The following RAB31 variants were observed in gnomAD, a reference collection of about 807,000 sequenced individuals.
RAB31 encodes RAB31, member RAS oncogene family, also known as ras-related protein Rab-31.
A neutral mutation model predicts 25.6 loss-of-function variants in RAB31; 21 were observed. The ratio of observed to expected loss-of-function variants is 0.82; its 90% CI spans 0.58 to 1.18. The LOEUF (loss-of-function observed/expected upper bound fraction) is 1.18, where lower values mean the gene tolerates loss of function less well. RAB31 is among the 50% of genes most tolerant of loss of function. The pLI, the probability that RAB31 is intolerant of heterozygous loss-of-function variation, is 0.00. For missense variants in RAB31, 196 were observed against 250.1 expected (o/e 0.78, Z 1.46); for synonymous variants, 87 against 84.0 (o/e 1.04, Z -0.20).
intron 1 of RAB31, among the ~76,000 whole-genome samples, chr18:9,743,419 A>G (rs1370967873): frequency 1.3e-5 from 2 of 152,216 alleles, no homozygotes; most frequent in Admixed American, 6.5e-5. Context: ...ATGTTTATAT[A>G]GTGCCTATCT....
intron 3 of RAB31, among the ~76,000 whole-genome samples, chr18:9,802,917 G>A (rs2068521185): frequency 6.6e-6 from 1 of 152,176 alleles, no homozygotes; most frequent in Non-Finnish European, 1.5e-5. Flanking sequence ...CAAAAAAGTG[G>A]TTCACTATTC....
At position 9,792,314 on chromosome 18, in the gene RAB31, C is replaced by A. The variant is rs938236173; in HGVS notation, c.201+79C>A. On this transcript the variant is annotated intron_variant, in intron 3 of 6. Coordinates refer to ENST00000578921, the MANE Select transcript of RAB31 (RefSeq NM_006868.4). ...TTTCTGAAGGTTTGTTTGCATTAGA[C>A]AAGACTCTTGGTTGCAGGTGACAGA... 30 of 1,516,500 alleles carry A rather than the reference C, an allele frequency of 2.0e-5. No individual in the cohort carries two copies. The South Asian group carries it at 3.3e-4, about 17-fold the overall frequency. 93.9% of individuals were successfully genotyped at this position (1,516,500 alleles called of 1,614,324 possible). A position where few individuals can be genotyped will look rare whatever the true frequency, so the allele number is the denominator to read the frequency against.
At position 9,791,388 on chromosome 18, in the gene RAB31, C is replaced by CTTT. The variant is rs35523044; in HGVS notation, c.120-741_120-739dup. ...AGCTAACTGGTTTTAGAAACACAGT[C>CTTT]TTTTTTTTTTTTTTTTTTTTTTTTT... is the stretch of plus-strand genomic sequence containing the variant. On this transcript the variant is annotated intron_variant, in intron 2 of 6. Coordinates refer to ENST00000578921, the MANE Select transcript of RAB31 (RefSeq NM_006868.4). Among the ~76,000 whole-genome samples the CTTT allele has an allele frequency of 5.7e-3, 338 of 59,644 alleles. 38 individuals are homozygous for CTTT. Among genetic ancestry groups the CTTT allele is most frequent in the African/African-American group, 0.023 (331 of 14,562 alleles). The allele number at this position is 59,644 out of a possible 152,430, so 39.1% of individuals were successfully genotyped here. A position where few individuals can be genotyped will look rare whatever the true frequency, so the allele number is the denominator to read the frequency against.
intron 5 of RAB31, among the ~76,000 whole-genome samples, chr18:9,838,515 T>C (rs1288423954): frequency 1.3e-5 from 2 of 152,212 alleles, no homozygotes; most frequent in East Asian, 3.8e-4. Flanking sequence ...CCTTCTGGTG[T>C]ACCTGTCTTC....
chr18:9,812,696 T>C (rs2068579659), intron 3 of RAB31, among the ~76,000 whole-genome samples: 3 of 34,800 alleles, frequency 8.6e-5, no homozygotes, highest in Admixed American at 2.7e-4. Flanking sequence ...ACTATTTTTT[T>C]TTTTTTTTTT....
In RAB31 at chr18:9,719,752, C is replaced by G. The variant is rs555616420; in HGVS notation, c.39+11308C>G. Among the ~76,000 whole-genome samples, 12 of 152,214 alleles carry G rather than the reference C, an allele frequency of 7.9e-5. No homozygotes were observed. In the South Asian group the frequency reaches 1.2e-3, roughly 16 times the overall value. On this transcript the variant is annotated intron_variant, in intron 1 of 6. Coordinates refer to ENST00000578921, the MANE Select transcript of RAB31 (RefSeq NM_006868.4). ...TCATTTTAATTTATTTTCTTATTCT[C>G]TCCACTTCACACGATGAGTCATCAG...
At chr18:9,814,928 G>T in intron 4 of RAB31, 188 bp from the exon 5 acceptor site, 1 of 428,286 alleles carries the variant, frequency 2.3e-6, no homozygotes, top group Non-Finnish European at 4.2e-6. Context: ...TAGAAAACTT[G>T]ATATGGTCTA....
chr18:9,758,798 C>G (rs2068272776), intron 1 of RAB31, among the ~76,000 whole-genome samples: 1 of 152,038 alleles, frequency 6.6e-6, no homozygotes, highest in Admixed American at 6.6e-5. Flanking sequence ...TTTCATCCAT[C>G]CCCCTGTCTA....
chr18:9,828,216 G>A (rs967099260), intron 5 of RAB31, among the ~76,000 whole-genome samples: 2 of 152,180 alleles, frequency 1.3e-5, no homozygotes, highest in African/African-American at 2.4e-5. Context: ...TGGCGGGATG[G>A]TGTGGGTCTC....
chr18:9,780,202 A>G (rs2068395006), intron 2 of RAB31, among the ~76,000 whole-genome samples: 1 of 151,362 alleles, frequency 6.6e-6, no homozygotes. Context: ...GTTCATGTTC[A>G]CTCTAAAAAA....
intron 1 of RAB31, among the ~76,000 whole-genome samples, chr18:9,732,127 G>A (rs8084104): frequency 0.95 from 144,130 of 152,290 alleles, 68,275 homozygotes; most frequent in African/African-American, 0.97. Context: ...TCTCCCCAGG[G>A]GCACCAGTCA....
At chr18:9,824,621 T>C (rs1463406035) in intron 5 of RAB31, among the ~76,000 whole-genome samples, 1 of 152,190 alleles carries the variant, frequency 6.6e-6, no homozygotes, top group African/African-American at 2.4e-5. Flanking sequence ...GGCATTTGAG[T>C]GCAGAAGTAC....
chr18:9,768,121 G>T (rs957441410), intron 1 of RAB31, among the ~76,000 whole-genome samples: 1 of 151,894 alleles, frequency 6.6e-6, no homozygotes, highest in African/African-American at 2.4e-5. Context: ...GTCTATCATT[G>T]ATGGGCAAGT....
In RAB31 at chr18:9,741,376, CAAAAAAAAAAAA is replaced by C. The variant is rs71169903; in HGVS notation, c.39+32948_39+32959del. 3.0e-3 allele frequency among the ~76,000 whole-genome samples: 93 copies of C among 31,256 alleles called. No individual in the cohort carries two copies. In the East Asian group the frequency reaches 0.043, roughly 14 times the overall value. The allele number at this position is 31,256 out of a possible 152,430, so 20.5% of individuals were successfully genotyped here. A position where few individuals can be genotyped will look rare whatever the true frequency, so the allele number is the denominator to read the frequency against. ...TGGGCAACAGAGTAAAACTCCGTCT[CAAAAAAAAAAAA>C]AAAAAAAAAAAAAAAGGCAGCTGCT... On this transcript the variant is annotated intron_variant, in intron 1 of 6. Transcript: ENST00000578921.
At chr18:9,852,005 A>T (rs1473795488) in intron 6 of RAB31, among the ~76,000 whole-genome samples, 2 of 151,058 alleles carry the variant, frequency 1.3e-5, no homozygotes, top group Non-Finnish European at 2.9e-5. Context: ...TTCCAAGAAT[A>T]TATCCTTCTT....
intron 1 of RAB31, among the ~76,000 whole-genome samples, chr18:9,747,378 A>G (rs2068210963): frequency 1.3e-5 from 2 of 152,160 alleles, no homozygotes; most frequent in East Asian, 1.9e-4. Flanking sequence ...CAGCAATTCT[A>G]CTCCTAGGTA....
chr18:9,709,893 C>A (rs2068007721), intron 1 of RAB31, among the ~76,000 whole-genome samples: 1 of 152,198 alleles, frequency 6.6e-6, no homozygotes, highest in African/African-American at 2.4e-5. Flanking sequence ...GCCATTTCAG[C>A]CTCAGGAAAG....
At position 9,769,529 on chromosome 18, in the gene RAB31, A is replaced by G. The variant is rs977659309; in HGVS notation, c.40-5749A>G. Among the ~76,000 whole-genome samples the G allele has an allele frequency of 2.8e-4, 42 of 152,212 alleles. 1 individual carries two copies. The highest frequency in any genetic ancestry group is 7.7e-4 in the East Asian group (4 of 5,204). ...ATAAAAATGCTTGTGATTTTTGCACATTGATTTTGTATCCTGAGACTTTGC... is the reference window on the plus strand; with the variant it reads ...ATAAAAATGCTTGTGATTTTTGCACGTTGATTTTGTATCCTGAGACTTTGC... On this transcript the variant is annotated intron_variant, in intron 1 of 6. Transcript: ENST00000578921.
At chr18:9,734,850 C>T (rs916951446) in intron 1 of RAB31, 2 of 222,430 alleles carry the variant, frequency 9.0e-6, no homozygotes, top group East Asian at 1.2e-4. Context: ...GCACACAGGC[C>T]CCCCAGCATT....
Sources: allele counts gnomAD v4.1 joint callset (sites outside exome capture counted in the v4.1 genomes callset), GRCh38; gene constraint gnomAD v4.1.1; transcripts MANE v1.5; gene names NCBI Gene and HGNC (gene_info 2026-07-23, HGNC 2026-07-21).